The following SEC61A1 variants were observed in gnomAD, a reference collection of about 807,000 sequenced individuals.
SEC61A1 encodes protein transport protein Sec61 subunit alpha isoform 1.
A neutral mutation model predicts 55.2 loss-of-function variants in SEC61A1; 15 were observed. The observed-to-expected ratio is 0.27, with a 90% CI of 0.18 to 0.42. The LOEUF is 0.42. SEC61A1 is among the 10% of genes least tolerant of loss of function. SEC61A1 has a pLI of 1.00. For missense variants in SEC61A1, 284 were observed against 602.6 expected (o/e 0.47, Z 5.53); for synonymous variants, 247 against 234.0 (o/e 1.06, Z -0.51).
chr3:128,069,040 C>G (rs1942071493), intron 11 of SEC61A1: 1 of 155,390 alleles, frequency 6.4e-6, no homozygotes, highest in Non-Finnish European at 1.4e-5. Context: ...CAGCACTGTG[C>G]AGTAGAAGTA....
chr3:128,064,508 G>A (rs1166212486), intron 7 of SEC61A1, among the ~76,000 whole-genome samples: 2 of 152,116 alleles, frequency 1.3e-5, no homozygotes, highest in South Asian at 2.1e-4. Flanking sequence ...TTAGCCAGGC[G>A]TGGTAGCATG....
chr3:128,068,062 G>T lies in SEC61A1; in HGVS notation c.1244+3G>T. On this transcript the variant is annotated splice_donor_region_variant and intron_variant, in intron 11 of 11. Transcript: ENST00000243253. ...TCCATGGTCCATGAACTCAACCGGT[G>T]AGTGGTGGCCCCAGGTCCCCAACCT... 6.2e-7 allele frequency: 1 copy of T among 1,613,290 alleles called. No homozygotes were observed. The highest frequency in any genetic ancestry group is 1.1e-5 in the South Asian group (1 of 91,042).
chr3:128,057,858 C>CA (rs571637541), intron 5 of SEC61A1, among the ~76,000 whole-genome samples: 1,789 of 140,634 alleles, frequency 0.013, 33 homozygotes, highest in African/African-American at 0.042. Context: ...AGACTTCTCT[C>CA]AAAAAAAAAA....
Position 128,052,462 on chromosome 3 carries a change from T to G in SEC61A1, c.-91T>G. On this transcript the variant is annotated 5_prime_UTR_variant, in exon 1 of 12. Transcript: ENST00000243253. The stretch of plus-strand genomic sequence containing the variant: ...GACGTGTCTCTCGGCGGAGCTGCTG[T>G]GCAGTGGAACGCGCTGGGCCGCGGG... 4.6e-6 allele frequency: 7 copies of G among 1,524,726 alleles called. No individual in the cohort carries two copies. The highest frequency in any genetic ancestry group is 5.3e-6 in the Non-Finnish European group (6 of 1,136,300). The allele number at this position is 1,524,726 out of a possible 1,614,324, so 94.4% of individuals were successfully genotyped here.
In SEC61A1 at chr3:128,070,294, C is replaced by G. The variant is rs72974055; in HGVS notation, c.*632C>G. The stretch of plus-strand genomic sequence containing the variant: ...CACTCCTGGCCATCTGTGGATTTGT[C>G]TGTGCACCTATTGGCTCTTCTAGCT... On this transcript the variant is annotated 3_prime_UTR_variant, in exon 12 of 12. Coordinates refer to ENST00000243253, the MANE Select transcript of SEC61A1 (RefSeq NM_013336.4). 1.3e-5 allele frequency: 2 copies of G among 152,310 alleles called. No individual in the cohort carries two copies. The allele number at this position is 152,310 out of a possible 1,614,324, so 9.4% of individuals were successfully genotyped here.
chr3:128,055,627 GC>G, intron 3 of SEC61A1, 45 bp from the exon 4 acceptor site: 3 of 1,608,758 alleles, frequency 1.9e-6, no homozygotes, highest in Non-Finnish European at 2.6e-6. Flanking sequence ...GATAAGAGTG[GC>G]TGGAAACAGG....
At chr3:128,065,339 A>G (rs1470958618) in intron 8 of SEC61A1, 3 of 587,342 alleles carry the variant, frequency 5.1e-6, no homozygotes, top group Non-Finnish European at 9.0e-6. Context: ...AGAAGCAAAA[A>G]GTACTCTAGC....
In SEC61A1 at chr3:128,052,537, C is replaced by G. The variant is rs200113170; in HGVS notation, c.-16C>G. On this transcript the variant is annotated 5_prime_UTR_variant, in exon 1 of 12. Coordinates refer to ENST00000243253, the MANE Select transcript of SEC61A1 (RefSeq NM_013336.4). Reference sequence around the variant, plus strand: ...GCTGAGCTGAAGCGGGACCCGGAGCCCGAGCAGCCGCCGCCATGGCAAGTG... The same window carrying G: ...GCTGAGCTGAAGCGGGACCCGGAGCGCGAGCAGCCGCCGCCATGGCAAGTG... 3 of 1,597,144 alleles carry G rather than the reference C, an allele frequency of 1.9e-6. No homozygotes were observed. In the South Asian group the frequency reaches 3.4e-5, roughly 18 times the overall value.
intron 1 of SEC61A1, 49 bp downstream of exon 1, chr3:128,052,608 C>T (rs1231938449): frequency 4.4e-6 from 7 of 1,577,158 alleles, no homozygotes; most frequent in Middle Eastern, 1.7e-4. Flanking sequence ...AACAGATCCC[C>T]CTTCCCCACA....
rs370619568 is a variant in SEC61A1 at position 128,065,034 on chromosome 3, C to T, written c.774C>T (p.Phe258=). 4.1e-4 allele frequency: 667 copies of T among 1,614,110 alleles called. No individual in the cohort carries two copies. Among genetic ancestry groups the T allele is most frequent in the Non-Finnish European group, 5.4e-4 (635 of 1,180,032 alleles). ...TIFVFAVVIY[F]QGFRVDLPIK... is the part of the protein sequence containing the mutation. ...TTGTCTTTGCAGTGGTCATCTATTT[C>T]CAGGTGTGTCCAGATCCAACCCCAG... Residue 258 remains phenylalanine (F), a synonymous_variant, in exon 8 of 12, where the codon TTC becomes TTT. Transcript: ENST00000243253.
At chr3:128,062,403 A>G (rs1229201442) in intron 7 of SEC61A1, among the ~76,000 whole-genome samples, 1 of 152,246 alleles carries the variant, frequency 6.6e-6, no homozygotes, top group African/African-American at 2.4e-5. Flanking sequence ...AGGCAGAGAC[A>G]GTAATCACTG....
intron 4 of SEC61A1, among the ~76,000 whole-genome samples, chr3:128,056,270 A>T (rs1209213686): frequency 6.6e-6 from 1 of 152,266 alleles, no homozygotes; most frequent in Non-Finnish European, 1.5e-5. Flanking sequence ...ATTCCAAATC[A>T]GTTGGAAGTG....
intron 5 of SEC61A1, among the ~76,000 whole-genome samples, chr3:128,059,088 C>T (rs892958278): frequency 2.6e-5 from 4 of 152,106 alleles, no homozygotes; most frequent in Non-Finnish European, 5.9e-5. Flanking sequence ...ACTTAGAGGA[C>T]CCATCTAGTA....
At chr3:128,054,472 C>G (rs541510867) in intron 2 of SEC61A1, among the ~76,000 whole-genome samples, 2 of 152,250 alleles carry the variant, frequency 1.3e-5, no homozygotes, top group African/African-American at 4.8e-5. Flanking sequence ...GTGAATGCCC[C>G]CAGCTTTGGA....
intron 11 of SEC61A1, among the ~76,000 whole-genome samples, chr3:128,068,410 C>T (rs1942049296): frequency 6.6e-6 from 1 of 152,138 alleles, no homozygotes; most frequent in Non-Finnish European, 1.5e-5. Flanking sequence ...GAAGAGAGCG[C>T]CCTGGAGGAG....
At chr3:128,056,561 T>C (rs1400940478) in intron 4 of SEC61A1, 148 bp from the exon 5 acceptor site, 8 of 561,624 alleles carry the variant, frequency 1.4e-5, no homozygotes, top group Non-Finnish European at 2.4e-5. Context: ...GTTGATATTT[T>C]GGGGTTCTAA....
intron 7 of SEC61A1, among the ~76,000 whole-genome samples, chr3:128,061,151 G>C (rs1489919870): frequency 6.6e-6 from 1 of 152,234 alleles, no homozygotes; most frequent in Non-Finnish European, 1.5e-5. Context: ...CTTAGCACCT[G>C]CGTTCAAATC....
At chr3:128,053,184 A>G (rs1296409919) in intron 2 of SEC61A1, among the ~76,000 whole-genome samples, 4 of 152,230 alleles carry the variant, frequency 2.6e-5, no homozygotes, top group African/African-American at 4.8e-5. Flanking sequence ...GATCCGGGCC[A>G]TGAATGAATA....
chr3:128,059,388 G>A (rs139414397), intron 5 of SEC61A1, among the ~76,000 whole-genome samples: 36 of 151,796 alleles, frequency 2.4e-4, no homozygotes, highest in African/African-American at 6.8e-4. Context: ...CAGGAAAATC[G>A]CTTGAACCTG....
Sources: gnomAD v4.1 joint callset for allele counts (sites outside exome capture counted in the v4.1 genomes callset) on GRCh38, gnomAD v4.1.1 for gene constraint, MANE v1.5 for transcripts, NCBI Gene and HGNC (gene_info 2026-07-23, HGNC 2026-07-21) for gene names.